The following LILRB1 variants were observed in gnomAD, a reference collection of about 807,000 sequenced individuals.
The protein encoded by LILRB1 is leukocyte immunoglobulin-like receptor subfamily B member 1.
In LILRB1, 59 loss-of-function variants were observed where a neutral mutation model predicts 74.6. The observed-to-expected ratio is 0.79, with a 90% CI of 0.64 to 0.98. The LOEUF (loss-of-function observed/expected upper bound fraction) is 0.98, where lower values mean the gene tolerates loss of function less well. Among genes scored for constraint, LILRB1 ranks in the 50% least tolerant of loss-of-function variants. The pLI, the probability that LILRB1 is intolerant of heterozygous loss-of-function variation, is 0.00. For missense variants in LILRB1, 804 were observed against 822.6 expected (o/e 0.98, Z 0.28); for synonymous variants, 328 against 333.9 (o/e 0.98, Z 0.19).
At position 54,634,455 on chromosome 19, in the gene LILRB1, C is replaced by T. The variant is rs2363871; in HGVS notation, c.1364-186C>T. The T allele has an allele frequency of 1.3e-4, 190 of 1,514,242 alleles. No homozygotes were observed. The South Asian group carries it at 1.7e-3, about 14-fold the overall frequency. 93.8% of individuals were successfully genotyped at this position (1,514,242 alleles called of 1,614,324 possible). A position where few individuals can be genotyped will look rare whatever the true frequency, so the allele number is the denominator to read the frequency against. Reference sequence around the variant, plus strand: ...TCTGCCGCTTCCTGGCTGGGGGCCCCGGGCAGGCGATTCCCCTCTCTGAGC... The same window carrying T: ...TCTGCCGCTTCCTGGCTGGGGGCCCTGGGCAGGCGATTCCCCTCTCTGAGC... On this transcript the variant is annotated intron_variant, in intron 9 of 14. Transcript: ENST00000324602.
intron 1 of LILRB1, among the ~76,000 whole-genome samples, chr19:54,618,162 GAA>G (rs34568782): frequency 6.7e-6 from 1 of 148,976 alleles, no homozygotes; most frequent in South Asian, 2.1e-4. Flanking sequence ...GTTTGAGATA[GAA>G]AAAAAAGAGG....
chr19:54,621,631 G>A (rs761882516), intron 1 of LILRB1, among the ~76,000 whole-genome samples: 1 of 151,532 alleles, frequency 6.6e-6, no homozygotes, highest in Non-Finnish European at 1.5e-5. Flanking sequence ...TTCTTCCATT[G>A]TGTAGGTTGT....
chr19:54,636,979 C>G lies in LILRB1; in HGVS notation c.*101C>G, dbSNP rs2146309931. 7 of 1,480,828 alleles carry G rather than the reference C, an allele frequency of 4.7e-6. No individual in the cohort carries two copies. Among genetic ancestry groups the G allele is most frequent in the South Asian group, 1.3e-5 (1 of 79,474 alleles). The allele number at this position is 1,480,828 out of a possible 1,614,324, so 91.7% of individuals were successfully genotyped here. On this transcript the variant is annotated 3_prime_UTR_variant, in exon 15 of 15. Transcript: ENST00000324602. ...GGACCCCACCCAGCCTGGATCTACC[C>G]CAGGAGACTCTGGGAACTTTTAGGG...
chr19:54,622,548 T>G (rs567202647), intron 1 of LILRB1, among the ~76,000 whole-genome samples: 176 of 152,344 alleles, frequency 1.2e-3, no homozygotes, highest in South Asian at 2.5e-3. Flanking sequence ...CTGAAGTCAC[T>G]TACCAAGTCT....
At chr19:54,626,869 C>T (rs2063605248), upstream of LILRB1, among the ~76,000 whole-genome samples, 1 of 152,220 alleles carries the variant, frequency 6.6e-6, no homozygotes, top group African/African-American at 2.4e-5. Context: ...TTAGAATCAG[C>T]TCTGTGTTCT....
At chr19:54,623,264 C>G (rs1369811381) in intron 1 of LILRB1, among the ~76,000 whole-genome samples, 4 of 152,170 alleles carry the variant, frequency 2.6e-5, no homozygotes, top group Non-Finnish European at 5.9e-5. Context: ...GTGTATATGG[C>G]AAATTTCGAC....
chr19:54,632,299 C>G (rs1324435315), intron 5 of LILRB1, 62 bp downstream of exon 5: 13 of 1,570,080 alleles, frequency 8.3e-6, no homozygotes, highest in East Asian at 2.2e-5. Flanking sequence ...GGAGCAGCCG[C>G]GTCTCAGGGC....
chr19:54,634,321 G>C lies in LILRB1; in HGVS notation c.1363+300G>C, dbSNP rs1039118551. ...GACGGTGACCTGGGGCAGGGGAGGG[G>C]AGAAGAGTCATGGTTCAGGACGGTC... On this transcript the variant is annotated intron_variant, in intron 9 of 14. Coordinates refer to ENST00000324602, the MANE Select transcript of LILRB1 (RefSeq NM_001081637.3). 3.9e-6 allele frequency: 6 copies of C among 1,540,932 alleles called. No homozygotes were observed. In the Admixed American group the frequency reaches 1.2e-4, roughly 30 times the overall value.
At chr19:54,628,859 G>A (rs555553139), upstream of LILRB1, among the ~76,000 whole-genome samples, 1 of 152,298 alleles carries the variant, frequency 6.6e-6, no homozygotes, top group African/African-American at 2.4e-5. Flanking sequence ...TGAAGGAAGG[G>A]CAGGAGGAGG....
rs765565001 is a variant in LILRB1 at position 54,635,621 on chromosome 19, C to G, written c.1653+12C>G. 2.5e-6 allele frequency: 4 copies of G among 1,613,826 alleles called. No homozygotes were observed. Among genetic ancestry groups the G allele is most frequent in the Non-Finnish European group, 3.4e-6 (4 of 1,179,906 alleles). ...AGATGGACACTCGGGTGAGACCCCA[C>G]CCCTGTCCCAGGCACCAAAGGCCTC... On this transcript the variant is annotated intron_variant, in intron 13 of 14. Transcript: ENST00000324602.
chr19:54,636,989 C>G lies in LILRB1; in HGVS notation c.*111C>G. 7.0e-7 allele frequency: 1 copy of G among 1,422,844 alleles called. No individual in the cohort carries two copies. The highest frequency in any genetic ancestry group is 2.2e-5 in the Admixed American group (1 of 45,988). 88.1% of individuals were successfully genotyped at this position (1,422,844 alleles called of 1,614,324 possible). On this transcript the variant is annotated 3_prime_UTR_variant, in exon 15 of 15. Transcript: ENST00000324602. ...CAGCCTGGATCTACCCCAGGAGACT[C>G]TGGGAACTTTTAGGGGTCACTCAAT...
Position 54,631,738 on chromosome 19 carries a change from C to T in LILRB1, c.309C>T (p.Asp103=), listed in dbSNP as rs761689503. ...GGTATCGCTGTTACTATGGTAGCGA[C>T]ACTGCAGGCCGCTCAGAGAGCAGTG... The part of the protein sequence containing the change: ...TGRYRCYYGS[D]TAGRSESSDP... The change falls in exon 4 of 15, where the codon GAC becomes GAT. Residue 103 remains aspartate, a synonymous_variant. Coordinates refer to ENST00000324602, the MANE Select transcript of LILRB1 (RefSeq NM_001081637.3). 6.2e-7 allele frequency: 1 copy of T among 1,614,276 alleles called. No individual in the cohort carries two copies. The highest frequency in any genetic ancestry group is 8.5e-7 in the Non-Finnish European group (1 of 1,180,042).
In LILRB1 at chr19:54,632,838, G is replaced by A. The variant is rs10426613; in HGVS notation, c.958+78G>A. ...CGGGGGAGCTCAGGTAGTGATGGCC[G>A]GGATGAGGGATGGGGGTCCCAAGGG... On this transcript the variant is annotated intron_variant, in intron 6 of 14. Transcript: ENST00000324602. 0.018 allele frequency: 28,090 copies of A among 1,584,676 alleles called. 3,658 individuals carry two copies. In the African/African-American group the frequency reaches 0.31, roughly 17 times the overall value.
At chr19:54,617,591 T>TGTG (rs2063344033) in intron 1 of LILRB1, among the ~76,000 whole-genome samples, 38 of 133,424 alleles carry the variant, frequency 2.8e-4, no homozygotes, top group East Asian at 2.1e-3. Flanking sequence ...GTGTGTGTGG[T>TGTG]GTGTGTGTGT....
At chr19:54,629,904 G>A (rs2063713553), upstream of LILRB1, among the ~76,000 whole-genome samples, 2 of 146,534 alleles carry the variant, frequency 1.4e-5, no homozygotes, top group Admixed American at 1.4e-4. Flanking sequence ...CCAGATAGAT[G>A]GACAAATACA....
Position 54,631,042 on chromosome 19 carries a change from A to G in LILRB1, c.-32A>G. ...TCCTGCCAGCACCGAGGGCTCATCC[A>G]TCCACAGAGCAGGGCAGTGGGAGGA... On this transcript the variant is annotated 5_prime_UTR_variant, in exon 2 of 15. Transcript: ENST00000324602. 1 of 1,614,196 alleles carries G rather than the reference A, an allele frequency of 6.2e-7. No homozygotes were observed. Among genetic ancestry groups the G allele is most frequent in the South Asian group, 1.1e-5 (1 of 91,092 alleles).
chr19:54,630,457 A>G (rs879540830), upstream of LILRB1: 2 of 363,768 alleles, frequency 5.5e-6, no homozygotes, highest in Non-Finnish European at 1.1e-5. Flanking sequence ...GTCAAGAAAG[A>G]AGTCAACTTT....
chr19:54,636,897 C>G lies in LILRB1; in HGVS notation c.*19C>G. ...CCACTAGCCCAGGGGGGGACGCAGA[C>G]CCCACACTCCATGGAGTCTGGAATG... On this transcript the variant is annotated 3_prime_UTR_variant, in exon 15 of 15. Transcript: ENST00000324602. 2.5e-6 allele frequency: 4 copies of G among 1,613,342 alleles called. No individual in the cohort carries two copies. The highest frequency in any genetic ancestry group is 1.3e-5 in the African/African-American group (1 of 75,012).
intron 5 of LILRB1, 104 bp downstream of exon 5, chr19:54,632,341 G>A: frequency 3.9e-6 from 6 of 1,549,268 alleles, no homozygotes; most frequent in Non-Finnish European, 5.2e-6. Flanking sequence ...GGGGCGAGAG[G>A]GCTCAGGGCT....
Sources: gnomAD v4.1 joint callset for allele counts (sites outside exome capture counted in the v4.1 genomes callset) on GRCh38, gnomAD v4.1.1 for gene constraint, MANE v1.5 for transcripts, NCBI Gene and HGNC (gene_info 2026-07-23, HGNC 2026-07-21) for gene names.